Variants in ZNF540 observed in about 807,000 individuals in gnomAD.
ZNF540 encodes zinc finger protein 540, also known as CTD-3064H18.6.
ZNF540 carries 3 observed loss-of-function variants against 11.8 expected under a neutral mutation model. The ratio of observed to expected loss-of-function variants is 0.25; its 90% CI spans 0.12 to 0.65. ZNF540 has a LOEUF of 0.65. Ranked by LOEUF, ZNF540 falls within the 30% of genes least tolerant of loss-of-function variation. The pLI is 0.83. For missense variants in ZNF540, 709 were observed against 793.1 expected (o/e 0.89, Z 1.27); for synonymous variants, 247 against 259.0 (o/e 0.95, Z 0.45).
At chr19:37,610,474 A>C (rs2044119516) in intron 4 of ZNF540, among the ~76,000 whole-genome samples, 2 of 152,264 alleles carry the variant, frequency 1.3e-5, no homozygotes, top group Admixed American at 6.5e-5. Flanking sequence ...GGAATTGAGA[A>C]TAAAGGACAT....
intron 1 of ZNF540, chr19:37,575,730 A>C (rs2043220281): frequency 1.3e-5 from 2 of 152,224 alleles, no homozygotes; most frequent in African/African-American, 4.8e-5. Context: ...TGATGGTGTC[A>C]CACACTTGGT....
intron 4 of ZNF540, among the ~76,000 whole-genome samples, chr19:37,605,446 G>A (rs1468054629): frequency 6.6e-6 from 1 of 152,074 alleles, no homozygotes; most frequent in Non-Finnish European, 1.5e-5. Context: ...TCAGGAGTTC[G>A]AGACCAGCCT....
Position 37,598,474 on chromosome 19 carries a change from T to C in ZNF540, c.9+18T>C. On this transcript the variant is annotated intron_variant, in intron 2 of 4. Transcript: ENST00000316433. ...TGGCCCATGTAAGTCACAGTTTCTC[T>C]TTCCTTTTTAGATTATTTTGTTTTT... 1 of 1,613,632 alleles carries C rather than the reference T, an allele frequency of 6.2e-7. No individual in the cohort carries two copies. The highest frequency in any genetic ancestry group is 8.5e-7 in the Non-Finnish European group (1 of 1,179,646).
intron 1 of ZNF540, among the ~76,000 whole-genome samples, chr19:37,551,838 G>GGT (rs1568332739): frequency 6.6e-6 from 1 of 152,042 alleles, no homozygotes; most frequent in South Asian, 2.1e-4. Context: ...GTGTGTGGGG[G>GGT]GGGTGGTGTC....
intron 4 of ZNF540, among the ~76,000 whole-genome samples, chr19:37,607,403 T>C (rs566395194): frequency 6.6e-6 from 1 of 152,342 alleles, no homozygotes; most frequent in South Asian, 2.1e-4. Flanking sequence ...TATAATGATA[T>C]GTATCCACAA....
At chr19:37,577,616 A>C (rs1165581504) in intron 1 of ZNF540, among the ~76,000 whole-genome samples, 1 of 152,230 alleles carries the variant, frequency 6.6e-6, no homozygotes, top group African/African-American at 2.4e-5. Flanking sequence ...CAAGCTACCC[A>C]CAGACTAACT....
chr19:37,586,587 A>G lies in ZNF540; in HGVS notation c.-72-11789A>G, dbSNP rs148293810. 2.5e-4 allele frequency: 387 copies of G among 1,553,976 alleles called. 1 individual carries two copies. In the African/African-American group the frequency reaches 4.8e-3, roughly 19 times the overall value. The stretch of plus-strand genomic sequence containing the variant: ...GTTCCCTTAAGGAACCAAACAAGGC[A>G]GGAAATTCTGGGATAAATCTGGTGT... On this transcript the variant is annotated intron_variant, in intron 1 of 4. Coordinates refer to the ZNF540 transcript ENST00000592533.
At position 37,611,533 on chromosome 19, in the gene ZNF540, A is replaced by C. The variant is rs765118053; in HGVS notation, c.253A>C (p.Thr85Pro). The change falls in exon 5 of 5, where the codon ACC (threonine) becomes CCC (proline). Residue 85 changes from threonine to proline, a missense_variant. Coordinates refer to ENST00000316433, the MANE Select transcript of ZNF540 (RefSeq NM_001172225.3). ...QCPGLLSRHK[T>P]KKLSSEKDIH... ...TTCAGGTTTGTTATCCAGGCATAAG[A>C]CCAAGAAATTATCTTCAGAAAAGGA... The C allele has an allele frequency of 3.1e-6, 5 of 1,600,494 alleles. No individual in the cohort carries two copies. The South Asian group carries it at 5.7e-5, about 18-fold the overall frequency.
intron 2 of ZNF540, 59 bp from the exon 3 acceptor site, chr19:37,599,567 T>G: frequency 6.2e-7 from 1 of 1,609,070 alleles, no homozygotes; most frequent in Non-Finnish European, 8.5e-7. Flanking sequence ...TCTCCTTTTC[T>G]TCTTTTTAAA....
chr19:37,611,562 T>G lies in ZNF540; in HGVS notation c.282T>G (p.Ile94Met). The change falls in exon 5 of 5, where the codon ATT (isoleucine) becomes ATG (methionine). Residue 94 changes from isoleucine to methionine, a missense_variant. Transcript: ENST00000316433. Reference sequence around the variant, plus strand: ...AGAAATTATCTTCAGAAAAGGACATTCATGAAATCAGTTTATCCAAAGAGA... The same window carrying G: ...AGAAATTATCTTCAGAAAAGGACATGCATGAAATCAGTTTATCCAAAGAGA... ...KTKKLSSEKD[I>M]HEISLSKESI... 4.4e-6 allele frequency: 7 copies of G among 1,608,834 alleles called. No individual in the cohort carries two copies. Among genetic ancestry groups the G allele is most frequent in the Non-Finnish European group, 5.9e-6 (7 of 1,178,166 alleles).
upstream of ZNF540, among the ~76,000 whole-genome samples, chr19:37,590,502 T>C (rs747314794): frequency 1.1e-4 from 17 of 152,116 alleles, no homozygotes; most frequent in Non-Finnish European, 2.2e-4. Flanking sequence ...ATTAGACAAT[T>C]ATTACATCTC....
intron 1 of ZNF540, among the ~76,000 whole-genome samples, chr19:37,573,629 C>T (rs2043140860): frequency 6.6e-6 from 1 of 150,462 alleles, no homozygotes; most frequent in South Asian, 2.1e-4. Context: ...AAGTGCAAGA[C>T]CAGCCTGGGC....
chr19:37,566,042 T>C (rs747353504), intron 1 of ZNF540: 9 of 1,614,004 alleles, frequency 5.6e-6, no homozygotes, highest in Non-Finnish European at 7.6e-6. Flanking sequence ...AATTATCCGA[T>C]GAAAAGTAGA....
At chr19:37,606,832 C>T (rs533195729) in intron 4 of ZNF540, among the ~76,000 whole-genome samples, 3 of 152,176 alleles carry the variant, frequency 2.0e-5, no homozygotes, top group East Asian at 1.9e-4. Context: ...TCCCAGATTG[C>T]GGTACATGGC....
At chr19:37,576,370 C>T (rs1486531961) in intron 1 of ZNF540, among the ~76,000 whole-genome samples, 1 of 152,148 alleles carries the variant, frequency 6.6e-6, no homozygotes, top group Non-Finnish European at 1.5e-5. Flanking sequence ...ACACTTGCAA[C>T]TATCTGCATT....
chr19:37,573,483 A>G (rs2043135575), intron 1 of ZNF540, among the ~76,000 whole-genome samples: 1 of 152,132 alleles, frequency 6.6e-6, no homozygotes. Flanking sequence ...ATTTCAGCAC[A>G]ATAGCTGTAA....
At chr19:37,607,017 T>G (rs2044090534) in intron 4 of ZNF540, among the ~76,000 whole-genome samples, 2 of 152,122 alleles carry the variant, frequency 1.3e-5, no homozygotes, top group Non-Finnish European at 2.9e-5. Context: ...CTTCTTGATT[T>G]GTAAGAGTTC....
At chr19:37,591,956 T>C (rs2043880925), upstream of ZNF540, among the ~76,000 whole-genome samples, 1 of 152,086 alleles carries the variant, frequency 6.6e-6, no homozygotes, top group Non-Finnish European at 1.5e-5. Flanking sequence ...TTAATCACCA[T>C]ATATAACTGT....
In ZNF540 at chr19:37,613,173, T is replaced by C. The variant is rs1364868280; in HGVS notation, c.1893T>C (p.Gly631=). The C allele has an allele frequency of 6.2e-7, 1 of 1,613,488 alleles. No individual in the cohort carries two copies. Among genetic ancestry groups the C allele is most frequent in the Non-Finnish European group, 8.5e-7 (1 of 1,179,596 alleles). ...HLTEHQRIHT[G]EKPYECKVCR... Reference sequence around the variant, plus strand: ...CTGAACATCAGAGAATTCACACTGGTGAGAAACCCTATGAGTGTAAGGTAT... The same window carrying C: ...CTGAACATCAGAGAATTCACACTGGCGAGAAACCCTATGAGTGTAAGGTAT... Residue 631 remains glycine (G), a synonymous_variant, in exon 5 of 5, where the codon GGT becomes GGC. Transcript: ENST00000316433.
Sources: allele counts gnomAD v4.1 joint callset (sites outside exome capture counted in the v4.1 genomes callset), GRCh38; gene constraint gnomAD v4.1.1; transcripts MANE v1.5; gene names NCBI Gene and HGNC (gene_info 2026-07-23, HGNC 2026-07-21).